The following REXO5 variants were observed in gnomAD, a reference collection of about 807,000 sequenced individuals.
REXO5 encodes the protein exonuclease NEF-sp.
REXO5 carries 48 observed loss-of-function variants against 88.5 expected under a neutral mutation model. The ratio of observed to expected loss-of-function variants is 0.54; its 90% CI spans 0.43 to 0.69. The LOEUF (loss-of-function observed/expected upper bound fraction) is 0.69, where lower values mean the gene tolerates loss of function less well. Ranked by LOEUF, REXO5 falls within the 30% of genes least tolerant of loss-of-function variation. The probability of loss-of-function intolerance (pLI) is 0.00; values close to 1 mark genes in which losing one functional copy is unlikely to be tolerated. For missense variants in REXO5, 749 were observed against 912.2 expected (o/e 0.82, Z 2.30); for synonymous variants, 311 against 336.5 (o/e 0.92, Z 0.83).
chr16:20,806,903 G>T (rs1421246068), intron 1 of REXO5, 49 bp from the exon 2 acceptor site: 1 of 1,542,640 alleles, frequency 6.5e-7, no homozygotes, highest in African/African-American at 1.4e-5. Flanking sequence ...GCACGCGGGG[G>T]AATAGGGGCG....
intron 18 of REXO5, 68 bp from the exon 19 acceptor site, chr16:20,846,153 G>A: frequency 8.2e-7 from 1 of 1,217,254 alleles, no homozygotes. Flanking sequence ...GAGGAAGAGT[G>A]TTGCAGCCCT....
Position 20,839,859 on chromosome 16 carries a change from G to T in REXO5, c.1488G>T (p.Arg496Ser). 1 of 1,586,454 alleles carries T rather than the reference G, an allele frequency of 6.3e-7. No homozygotes were observed. The change falls in exon 14 of 20, where the codon AGG becomes AGT. Residue 496 changes from arginine to serine, a missense_variant and splice_region_variant. Coordinates refer to ENST00000261377, the MANE Select transcript of REXO5 (RefSeq NM_030941.3). ...SPVLTEEMNK[R>S]MRIKWTEIST... is the part of the protein sequence containing the mutation. ...TCCTCACTGAGGAGATGAACAAAAG[G>T]GTAAGTGAATGGGTTCTGCTGAATG...
chr16:20,833,184 G>A, intron 13 of REXO5, 61 bp downstream of exon 13: 1 of 1,525,220 alleles, frequency 6.6e-7, no homozygotes, highest in Non-Finnish European at 8.9e-7. Flanking sequence ...GTAGCCCTTT[G>A]CACCCATGCC....
intron 18 of REXO5, 61 bp downstream of exon 18, chr16:20,845,302 TC>T: frequency 7.0e-7 from 1 of 1,428,606 alleles, no homozygotes; most frequent in Non-Finnish European, 9.5e-7. Context: ...TGACACTTAA[TC>T]CTTTAATCTT....
chr16:20,845,808 G>A (rs2081598044), intron 18 of REXO5, among the ~76,000 whole-genome samples: 1 of 152,032 alleles, frequency 6.6e-6, no homozygotes, highest in Non-Finnish European at 1.5e-5. Context: ...GAAGGTAAAT[G>A]GCTGAAGCTT....
rs2081138333 is a variant in REXO5, at chr16:20,819,638, C to T, written c.476-2124C>T. On this transcript the variant is annotated intron_variant, in intron 5 of 19. Transcript: ENST00000261377. Reference sequence around the variant, plus strand: ...GGCGTGGTGGTACATGCCTGTAATCCCAGCTACTCAGGAGGCTGAGGCAGG... The same window carrying T: ...GGCGTGGTGGTACATGCCTGTAATCTCAGCTACTCAGGAGGCTGAGGCAGG... Among the ~76,000 whole-genome samples the T allele has an allele frequency of 5.3e-5, 8 of 151,608 alleles. No homozygotes were observed. The South Asian group carries it at 1.3e-3, about 24-fold the overall frequency.
chr16:20,819,750 C>T (rs1165053923), intron 5 of REXO5, among the ~76,000 whole-genome samples: 2 of 128,448 alleles, frequency 1.6e-5, no homozygotes, highest in Non-Finnish European at 3.7e-5. Flanking sequence ...AGCGAAACTC[C>T]GTCTCCAAAA....
intron 11 of REXO5, among the ~76,000 whole-genome samples, chr16:20,831,874 A>G (rs2081350114): frequency 6.6e-6 from 1 of 152,040 alleles, no homozygotes; most frequent in Admixed American, 6.6e-5. Flanking sequence ...CAAAATTGAC[A>G]TCCTTTTTCA....
chr16:20,828,994 A>T (rs1037303051), intron 11 of REXO5, among the ~76,000 whole-genome samples: 2 of 152,024 alleles, frequency 1.3e-5, no homozygotes, highest in African/African-American at 2.4e-5. Flanking sequence ...TCCTAAAAAA[A>T]GAAAATGGCA....
At chr16:20,844,069 A>G (rs199673164) in intron 16 of REXO5, 43 bp downstream of exon 16, 1 of 1,189,382 alleles carries the variant, frequency 8.4e-7, no homozygotes, top group Non-Finnish European at 1.3e-6. Context: ...GGTCTGGCCT[A>G]CCACAGCCTG....
intron 12 of REXO5, 101 bp from the exon 13 acceptor site, chr16:20,832,902 A>G: frequency 1.9e-6 from 2 of 1,042,014 alleles, no homozygotes; most frequent in South Asian, 4.0e-5. Flanking sequence ...ATAGCTATAT[A>G]TTGCTAGTGG....
chr16:20,838,209 G>A (rs745752130), intron 13 of REXO5, among the ~76,000 whole-genome samples: 1 of 151,530 alleles, frequency 6.6e-6, no homozygotes, highest in East Asian at 1.9e-4. Flanking sequence ...CTTTTTTTGT[G>A]CTTTTCCTCT....
chr16:20,812,680 A>G (rs1023409686), intron 2 of REXO5, among the ~76,000 whole-genome samples: 2 of 152,100 alleles, frequency 1.3e-5, no homozygotes, highest in Non-Finnish European at 2.9e-5. Context: ...TACCTCCACT[A>G]CTATGCAACA....
chr16:20,814,345 T>C (rs1359611818), intron 3 of REXO5, among the ~76,000 whole-genome samples: 2 of 152,172 alleles, frequency 1.3e-5, no homozygotes, highest in African/African-American at 2.4e-5. Flanking sequence ...CAAGTGATCC[T>C]CTTGCCTCAG....
chr16:20,807,599 A>C (rs1170476806), intron 2 of REXO5, among the ~76,000 whole-genome samples: 2 of 146,362 alleles, frequency 1.4e-5, no homozygotes, highest in Admixed American at 6.9e-5. Flanking sequence ...AAAAAAAAAA[A>C]AAAAAAAAAC....
chr16:20,833,375 T>A (rs1006201343), intron 13 of REXO5, among the ~76,000 whole-genome samples: 1 of 152,244 alleles, frequency 6.6e-6, no homozygotes, highest in African/African-American at 2.4e-5. Context: ...GTTTCTGTTG[T>A]GTTTCTGGTT....
intron 15 of REXO5, among the ~76,000 whole-genome samples, chr16:20,841,015 T>C (rs2081519477): frequency 6.6e-6 from 1 of 152,180 alleles, no homozygotes; most frequent in East Asian, 1.9e-4. Flanking sequence ...TTTTTTTACA[T>C]TACAGAGTAG....
At chr16:20,827,735 T>A (rs1183484541) in intron 10 of REXO5, among the ~76,000 whole-genome samples, 2 of 152,258 alleles carry the variant, frequency 1.3e-5, no homozygotes, top group Non-Finnish European at 2.9e-5. Flanking sequence ...AACATACTTA[T>A]ACTGTCCTAT....
intron 5 of REXO5, 132 bp downstream of exon 5, chr16:20,816,344 C>CG (rs2081081470): frequency 7.6e-6 from 5 of 659,042 alleles, no homozygotes; most frequent in South Asian, 4.1e-5. Flanking sequence ...TTTTTTGAAA[C>CG]GGGGGTCTCA....
Sources: gnomAD v4.1 joint callset for allele counts (sites outside exome capture counted in the v4.1 genomes callset) on GRCh38, gnomAD v4.1.1 for gene constraint, MANE v1.5 for transcripts, NCBI Gene and HGNC (gene_info 2026-07-23, HGNC 2026-07-21) for gene names.